Variants in UMAD1 observed in about 807,000 individuals in gnomAD.
The protein encoded by UMAD1 is UBAP1-MVB12-associated (UMA) domain containing 1, also known as UBAP1-MVB12-associated (UMA)-domain containing protein 1.
In UMAD1, 8 loss-of-function variants were observed where a neutral mutation model predicts 6.1. The observed-to-expected ratio is 1.30, with a 90% CI of 0.76 to 2.35. UMAD1 has a LOEUF of 2.35. Ranked by LOEUF, UMAD1 falls within the 30% of genes most tolerant of loss-of-function variation. UMAD1 has a pLI of 0.00. For missense variants in UMAD1, 130 were observed against 78.4 expected (o/e 1.66, Z -2.49); for synonymous variants, 56 against 31.4 (o/e 1.78, Z -2.61).
At chr7:7,696,054 G>A (rs962560512) in intron 2 of UMAD1, among the ~76,000 whole-genome samples, 1 of 147,582 alleles carries the variant, frequency 6.8e-6, no homozygotes, top group Admixed American at 6.8e-5. Flanking sequence ...TGCCCAGGCT[G>A]GATTACAGTG....
chr7:7,727,112 A>C (rs1464325802), intron 2 of UMAD1, among the ~76,000 whole-genome samples: 5 of 152,242 alleles, frequency 3.3e-5, no homozygotes, highest in Non-Finnish European at 7.3e-5. Context: ...AAGGGAATAC[A>C]GAATGGGTAG....
chr7:7,676,200 C>G (rs1779734646), intron 2 of UMAD1: 1 of 398,514 alleles, frequency 2.5e-6, no homozygotes, highest in South Asian at 1.3e-4. Context: ...TACTCTCTAC[C>G]CTTGGCAGGT....
At chr7:7,682,845 A>G (rs1002030876) in intron 2 of UMAD1, among the ~76,000 whole-genome samples, 5 of 152,362 alleles carry the variant, frequency 3.3e-5, no homozygotes, top group African/African-American at 9.6e-5. Flanking sequence ...GGATTTTTCA[A>G]CTAACTTCAT....
intron 2 of UMAD1, among the ~76,000 whole-genome samples, chr7:7,727,851 G>A (rs945155402): frequency 6.6e-6 from 1 of 152,072 alleles, no homozygotes; most frequent in African/African-American, 2.4e-5. Context: ...TGGGACCTTT[G>A]TGTGAGTTTA....
chr7:7,670,645 T>C lies in UMAD1; in HGVS notation c.-63-2664T>C, dbSNP rs189034931. The stretch of plus-strand genomic sequence containing the variant: ...ATGCTCAAAGTTCAGTGCCTCTGGC[T>C]GATACACAAGAGTCTGTTCATCATG... On this transcript the variant is annotated intron_variant, in intron 1 of 3. Coordinates refer to ENST00000682710, the MANE Select transcript of UMAD1 (RefSeq NM_001302348.2). Among the ~76,000 whole-genome samples the C allele has an allele frequency of 3.2e-4, 48 of 152,344 alleles. 1 individual carries two copies. Among genetic ancestry groups the C allele is most frequent in the African/African-American group, 1.1e-3 (46 of 41,572 alleles).
chr7:7,792,855 ATCT>A (rs1473884095), intron 2 of UMAD1, among the ~76,000 whole-genome samples: 23 of 152,180 alleles, frequency 1.5e-4, no homozygotes, highest in Admixed American at 1.5e-3. Flanking sequence ...CGTAGAAGGC[ATCT>A]TCTTGCTTCA....
At chr7:7,867,906 A>G (rs1248439125) in intron 3 of UMAD1, among the ~76,000 whole-genome samples, 1 of 152,032 alleles carries the variant, frequency 6.6e-6, no homozygotes, top group Non-Finnish European at 1.5e-5. Context: ...CAGCCCTGGA[A>G]GCTCTGGGGA....
chr7:7,722,196 T>C (rs1234635031), intron 2 of UMAD1, among the ~76,000 whole-genome samples: 1 of 149,160 alleles, frequency 6.7e-6, no homozygotes, highest in Non-Finnish European at 1.5e-5. Flanking sequence ...TCTATATATC[T>C]ATATAGATAT....
rs58039932 is a variant in UMAD1, at chr7:7,777,574, AATATATATATATATAT to A, written c.83-24083_83-24068del. On this transcript the variant is annotated intron_variant, in intron 2 of 3. Transcript: ENST00000682710. ...ATTTATGTCATTTCATACATGAGCA[AATATATATATATATAT>A]ATATATATATATGTAATTGCCAGTA... Among the ~76,000 whole-genome samples, 7 of 113,552 alleles carry A rather than the reference AATATATATATATATAT, an allele frequency of 6.2e-5. 1 individual carries two copies. Among genetic ancestry groups the A allele is most frequent in the African/African-American group, 2.8e-4 (7 of 25,402 alleles). 74.5% of individuals were successfully genotyped at this position (113,552 alleles called of 152,430 possible). A position where few individuals can be genotyped will look rare whatever the true frequency, so the allele number is the denominator to read the frequency against.
intron 1 of UMAD1, chr7:7,641,366 A>ACCCCGAGCTAGGGTT (rs1329375988): frequency 4.6e-5 from 7 of 151,824 alleles, no homozygotes; most frequent in Non-Finnish European, 1.0e-4. Flanking sequence ...TCGTTGTTAG[A>ACCCCGAGCTAGGGTT]CCCCGAGCTA....
chr7:7,818,828 G>C (rs897095768), intron 3 of UMAD1, among the ~76,000 whole-genome samples: 2 of 152,084 alleles, frequency 1.3e-5, no homozygotes, highest in Non-Finnish European at 2.9e-5. Context: ...GTAGAGACAG[G>C]GTTTTGCTAT....
chr7:7,742,450 C>CT (rs759870616), intron 2 of UMAD1: 263 of 543,198 alleles, frequency 4.8e-4, no homozygotes, highest in South Asian at 1.3e-3. Context: ...TTTTCTTTTT[C>CT]TTTTTTTGTG....
At chr7:7,690,989 AG>A (rs1780160319) in intron 2 of UMAD1, among the ~76,000 whole-genome samples, 1 of 152,176 alleles carries the variant, frequency 6.6e-6, no homozygotes, top group South Asian at 2.1e-4. Flanking sequence ...TGCTCCTTCT[AG>A]GTCTCCAAAG....
At chr7:7,711,680 C>G (rs1780768679) in intron 2 of UMAD1, among the ~76,000 whole-genome samples, 1 of 151,654 alleles carries the variant, frequency 6.6e-6, no homozygotes, top group African/African-American at 2.4e-5. Context: ...ATCTCTTTTC[C>G]CTGCTGTATT....
At chr7:7,680,976 C>T in intron 2 of UMAD1, among the ~76,000 whole-genome samples, 1 of 151,974 alleles carries the variant, frequency 6.6e-6, no homozygotes, top group African/African-American at 2.4e-5. Context: ...AGCATATATC[C>T]ACATAACTTT....
intron 2 of UMAD1, among the ~76,000 whole-genome samples, chr7:7,735,413 C>CT (rs71014707): frequency 0.23 from 32,799 of 145,732 alleles, 4,351 homozygotes; most frequent in African/African-American, 0.38. Context: ...ACATCCTCAC[C>CT]TTTTTTTTTT....
intron 2 of UMAD1, among the ~76,000 whole-genome samples, chr7:7,728,968 A>T (rs1333694821): frequency 3.3e-5 from 5 of 152,246 alleles, no homozygotes; most frequent in African/African-American, 1.2e-4. Context: ...TACATATACG[A>T]CAACCTAAAT....
At chr7:7,650,631 T>C (rs1428899920) in intron 1 of UMAD1, among the ~76,000 whole-genome samples, 1 of 152,236 alleles carries the variant, frequency 6.6e-6, no homozygotes, top group East Asian at 1.9e-4. Flanking sequence ...AGTATGTTTA[T>C]TACCACAGTT....
intron 3 of UMAD1, among the ~76,000 whole-genome samples, chr7:7,812,674 T>TA (rs1224584733): frequency 6.6e-6 from 1 of 152,254 alleles, no homozygotes; most frequent in Non-Finnish European, 1.5e-5. Flanking sequence ...ATATTCTGTT[T>TA]ATACTTTGGT....
Sources: gnomAD v4.1 joint callset for allele counts (sites outside exome capture counted in the v4.1 genomes callset) on GRCh38, gnomAD v4.1.1 for gene constraint, MANE v1.5 for transcripts, NCBI Gene and HGNC (gene_info 2026-07-23, HGNC 2026-07-21) for gene names.